KIAA1328: variants seen among roughly 807,000 people sequenced by gnomAD.
KIAA1328 encodes KIAA1328.
KIAA1328 carries 52 observed loss-of-function variants against 68.1 expected under a neutral mutation model. That is an observed-to-expected ratio of 0.76 (90% confidence interval 0.61 to 0.96). The LOEUF (loss-of-function observed/expected upper bound fraction) is 0.96. Among genes scored for constraint, KIAA1328 ranks in the 40% least tolerant of loss-of-function variants. The pLI, the probability that KIAA1328 is intolerant of heterozygous loss-of-function variation, is 0.00. For synonymous variants in KIAA1328, 232 were observed against 239.4 expected, an observed-to-expected ratio of 0.97 and a Z score of 0.28; for missense variants, 641 against 677.6, an observed-to-expected ratio of 0.95 and a Z score of 0.60.
In KIAA1328 at chr18:37,046,723, A is replaced by G. The variant is rs560600707; in HGVS notation, c.577-20167A>G. Among the ~76,000 whole-genome samples, 83 of 152,336 alleles carry G rather than the reference A, an allele frequency of 5.4e-4. 1 individual carries two copies. The South Asian group carries it at 0.017, about 31-fold the overall frequency. On this transcript the variant is annotated intron_variant, in intron 6 of 9. Coordinates refer to ENST00000280020, the MANE Select transcript of KIAA1328 (RefSeq NM_020776.3). ...TGCAAAAATTGCATTATTATCCGCA[A>G]TAGATTGTGCCTAAACATTTTGAGA... is the stretch of plus-strand genomic sequence containing the variant.
chr18:36,978,656 A>G (rs1324274444), intron 6 of KIAA1328, among the ~76,000 whole-genome samples: 6 of 152,200 alleles, frequency 3.9e-5, no homozygotes, highest in African/African-American at 1.2e-4. Context: ...GAAATATAGT[A>G]TACTGTATGC....
At chr18:37,169,455 G>A (rs918075198) in intron 8 of KIAA1328, among the ~76,000 whole-genome samples, 4 of 152,024 alleles carry the variant, frequency 2.6e-5, no homozygotes, top group Non-Finnish European at 4.4e-5. Context: ...CTGAGCCATG[G>A]CACTCTGCCA....
At chr18:36,999,573 C>T (rs1475688110) in intron 6 of KIAA1328, among the ~76,000 whole-genome samples, 1 of 152,172 alleles carries the variant, frequency 6.6e-6, no homozygotes, top group Non-Finnish European at 1.5e-5. Flanking sequence ...CAGTGGATTT[C>T]TTAGCAGACA....
intron 6 of KIAA1328, among the ~76,000 whole-genome samples, chr18:36,964,891 CTTT>C (rs78746926): frequency 6.9e-6 from 1 of 144,942 alleles, no homozygotes; most frequent in African/African-American, 2.5e-5. Flanking sequence ...TGTGTTACTT[CTTT>C]TTTTTTTTTG....
intron 5 of KIAA1328, among the ~76,000 whole-genome samples, chr18:36,896,111 C>G (rs2048859403): frequency 1.3e-5 from 2 of 152,128 alleles, no homozygotes. Flanking sequence ...TAATTATCAG[C>G]TTAGAAGGCT....
intron 7 of KIAA1328, among the ~76,000 whole-genome samples, chr18:37,130,051 G>C (rs1020464845): frequency 1.3e-5 from 2 of 152,126 alleles, no homozygotes; most frequent in African/African-American, 4.8e-5. Flanking sequence ...GGAGGGAGAG[G>C]TCTGAGCTAA....
At chr18:36,994,416 G>C (rs1053352844) in intron 6 of KIAA1328, among the ~76,000 whole-genome samples, 3 of 152,054 alleles carry the variant, frequency 2.0e-5, no homozygotes, top group Admixed American at 2.0e-4. Flanking sequence ...ACATAACCAG[G>C]AGTCATAATC....
chr18:37,070,127 A>G (rs1289470829), intron 7 of KIAA1328, among the ~76,000 whole-genome samples: 1 of 151,958 alleles, frequency 6.6e-6, no homozygotes, highest in African/African-American at 2.4e-5. Flanking sequence ...GTTCTTAAAG[A>G]TTTTCCTGTT....
At chr18:36,905,692 C>T (rs1385736497) in intron 5 of KIAA1328, among the ~76,000 whole-genome samples, 1 of 152,098 alleles carries the variant, frequency 6.6e-6, no homozygotes, top group Non-Finnish European at 1.5e-5. Context: ...CTTTTTGCCT[C>T]CAGATACAGC....
chr18:37,192,412 C>A (rs193090522), intron 9 of KIAA1328, among the ~76,000 whole-genome samples: 8 of 152,212 alleles, frequency 5.3e-5, no homozygotes, highest in Non-Finnish European at 8.8e-5. Flanking sequence ...TAATGTGTAG[C>A]ATAAAATGGA....
intron 7 of KIAA1328, among the ~76,000 whole-genome samples, chr18:37,156,062 A>C (rs1328074553): frequency 6.6e-6 from 1 of 152,046 alleles, no homozygotes; most frequent in African/African-American, 2.4e-5. Context: ...TATGGTATTA[A>C]AAATTCTGTT....
At chr18:36,964,081 A>T (rs144056703) in intron 6 of KIAA1328, among the ~76,000 whole-genome samples, 59 of 152,346 alleles carry the variant, frequency 3.9e-4, no homozygotes, top group African/African-American at 1.2e-3. Context: ...CAAAGCCAAG[A>T]TATGAACCAA....
At chr18:37,214,400 A>G (rs1319204414) in intron 9 of KIAA1328, among the ~76,000 whole-genome samples, 1 of 152,216 alleles carries the variant, frequency 6.6e-6, no homozygotes, top group African/African-American at 2.4e-5. Context: ...CATTTATTAA[A>G]TAGGGAATCC....
chr18:37,003,369 C>G (rs1044518596), intron 6 of KIAA1328, among the ~76,000 whole-genome samples: 4 of 152,050 alleles, frequency 2.6e-5, no homozygotes, highest in African/African-American at 9.7e-5. Flanking sequence ...CTGCACGGCA[C>G]TAAAGAAGTA....
chr18:37,192,146 T>TGA (rs1491300789), intron 9 of KIAA1328, among the ~76,000 whole-genome samples: 3 of 1,108 alleles, frequency 2.7e-3, no homozygotes, highest in African/African-American at 0.014. Context: ...GTCAAGAAAT[T>TGA]GTGTGTGTGT....
At chr18:37,011,374 A>G (rs1451346389) in intron 6 of KIAA1328, among the ~76,000 whole-genome samples, 1 of 152,012 alleles carries the variant, frequency 6.6e-6, no homozygotes, top group African/African-American at 2.4e-5. Flanking sequence ...GTCATAATTG[A>G]CTTCTCTCTA....
intron 5 of KIAA1328, among the ~76,000 whole-genome samples, chr18:36,905,378 C>T (rs543641872): frequency 5.7e-4 from 87 of 152,130 alleles, no homozygotes; most frequent in African/African-American, 2.0e-3. Context: ...TCCTGAAGTG[C>T]TGGGATTACA....
At chr18:37,193,317 T>G (rs986625561) in intron 9 of KIAA1328, among the ~76,000 whole-genome samples, 1 of 152,154 alleles carries the variant, frequency 6.6e-6, no homozygotes, top group African/African-American at 2.4e-5. Flanking sequence ...GAATTCAATT[T>G]TTAAAAGGTA....
Position 37,160,385 on chromosome 18 carries a change from A to C in KIAA1328, c.1414+4A>C, listed in dbSNP as rs758450280. On this transcript the variant is annotated splice_donor_region_variant and intron_variant, in intron 8 of 9. Coordinates refer to ENST00000280020, the MANE Select transcript of KIAA1328 (RefSeq NM_020776.3). ...GATACATGTAGACCCCAAAGAGGTA[A>C]GTTTAACAACTGTAGTGGCAAAATG... 1.2e-6 allele frequency: 2 copies of C among 1,610,194 alleles called. No homozygotes were observed. The highest frequency in any genetic ancestry group is 3.4e-5 in the Admixed American group (2 of 59,462).
Sources: allele counts gnomAD v4.1 joint callset (sites outside exome capture counted in the v4.1 genomes callset), GRCh38; gene constraint gnomAD v4.1.1; transcripts MANE v1.5; gene names NCBI Gene and HGNC (gene_info 2026-07-23, HGNC 2026-07-21).